PPARGC1A: variants seen among roughly 807,000 people sequenced by gnomAD.
PPARGC1A encodes PPARG coactivator 1 alpha.
PPARGC1A carries 25 observed loss-of-function variants against 88.7 expected under a neutral mutation model. That is an observed-to-expected ratio of 0.28 (90% confidence interval 0.21 to 0.39). The LOEUF is 0.39. Ranked by LOEUF, PPARGC1A falls within the 10% of genes least tolerant of loss-of-function variation. The probability of loss-of-function intolerance (pLI) is 1.00; values close to 1 mark genes in which losing one functional copy is unlikely to be tolerated. For synonymous variants in PPARGC1A, 363 were observed against 355.6 expected, an observed-to-expected ratio of 1.02 and a Z score of -0.24; for missense variants, 880 against 968.7, an observed-to-expected ratio of 0.91 and a Z score of 1.22.
At chr4:24,369,015 A>AC in the PPARGC1A span, among the ~76,000 whole-genome samples, 1 of 152,084 alleles carries the variant, frequency 6.6e-6, no homozygotes, top group African/African-American at 2.4e-5. Flanking sequence ...TCCCACGAGC[A>AC]CCCCATCTGG....
At chr4:23,840,643 A>G (rs1726896864) in intron 2 of PPARGC1A, among the ~76,000 whole-genome samples, 2 of 152,120 alleles carry the variant, frequency 1.3e-5, no homozygotes, top group Non-Finnish European at 1.5e-5. Context: ...TTCATGAACT[A>G]TCTAAAAGGG....
chr4:24,168,745 T>C, the PPARGC1A span, among the ~76,000 whole-genome samples: 3 of 151,970 alleles, frequency 2.0e-5, no homozygotes, highest in Non-Finnish European at 2.9e-5. Flanking sequence ...ACAAGAAAAA[T>C]ACTACGGTGT....
the PPARGC1A span, among the ~76,000 whole-genome samples, chr4:23,940,330 G>A: frequency 2.0e-5 from 3 of 152,104 alleles, no homozygotes; most frequent in Non-Finnish European, 4.4e-5. Flanking sequence ...TACATGGAAC[G>A]CAGAAGAGAA....
At chr4:23,834,261 C>T (rs1170168228) in intron 2 of PPARGC1A, among the ~76,000 whole-genome samples, 1 of 152,084 alleles carries the variant, frequency 6.6e-6, no homozygotes, top group Non-Finnish European at 1.5e-5. Flanking sequence ...GATCTTGCCA[C>T]TGCACTCCAG....
the PPARGC1A span, among the ~76,000 whole-genome samples, chr4:24,373,172 C>T: frequency 1.3e-5 from 2 of 152,156 alleles, no homozygotes; most frequent in Non-Finnish European, 1.5e-5. Context: ...GCGTGAGCAG[C>T]AGGAAAAGAG....
intron 2 of PPARGC1A, among the ~76,000 whole-genome samples, chr4:23,867,137 C>T (rs1560475689): frequency 6.6e-6 from 1 of 152,102 alleles, no homozygotes; most frequent in African/African-American, 2.4e-5. Context: ...ATCAAATTTC[C>T]TCTCTTCTCA....
the PPARGC1A span, among the ~76,000 whole-genome samples, chr4:24,317,187 A>G: frequency 6.6e-6 from 1 of 151,968 alleles, no homozygotes; most frequent in African/African-American, 2.4e-5. Context: ...AACCATTGCA[A>G]CTCAACTCTA....
the PPARGC1A span, among the ~76,000 whole-genome samples, chr4:23,979,669 C>CG: frequency 1.3e-3 from 196 of 152,184 alleles, 1 homozygote; most frequent in Non-Finnish European, 1.5e-3. Flanking sequence ...CACAACCCTG[C>CG]GGGGGGGACA....
the PPARGC1A span, among the ~76,000 whole-genome samples, chr4:23,975,018 A>T: frequency 6.6e-6 from 1 of 151,832 alleles, no homozygotes; most frequent in Non-Finnish European, 1.5e-5. Flanking sequence ...CTTGGGATTC[A>T]GAGCCATGGC....
At chr4:24,087,864 A>C in the PPARGC1A span, among the ~76,000 whole-genome samples, 1 of 152,236 alleles carries the variant, frequency 6.6e-6, no homozygotes, top group Non-Finnish European at 1.5e-5. Flanking sequence ...CCATAAGTAA[A>C]AGCTGGTTCA....
the PPARGC1A span, among the ~76,000 whole-genome samples, chr4:24,303,517 G>T: frequency 2.6e-5 from 4 of 152,140 alleles, no homozygotes; most frequent in Non-Finnish European, 4.4e-5. Flanking sequence ...AATCAAAATT[G>T]TGTTATGTTA....
the PPARGC1A span, among the ~76,000 whole-genome samples, chr4:24,057,389 G>C: frequency 1.3e-5 from 2 of 150,872 alleles, no homozygotes; most frequent in East Asian, 3.9e-4. Flanking sequence ...TTGTGGTGAT[G>C]GTTATACAGC....
the PPARGC1A span, among the ~76,000 whole-genome samples, chr4:24,198,738 G>A: frequency 6.6e-6 from 1 of 152,202 alleles, no homozygotes; most frequent in African/African-American, 2.4e-5. Context: ...AATGGGGAAG[G>A]GAAGGTGGTA....
the PPARGC1A span, among the ~76,000 whole-genome samples, chr4:24,128,584 G>A: frequency 8.6e-4 from 130 of 150,576 alleles, no homozygotes; most frequent in African/African-American, 2.8e-3. Flanking sequence ...GTGTGTGCAC[G>A]CGCATCTGTG....
the PPARGC1A span, among the ~76,000 whole-genome samples, chr4:24,037,769 T>C: frequency 6.6e-6 from 1 of 152,302 alleles, no homozygotes; most frequent in South Asian, 2.1e-4. Flanking sequence ...GCTGTGTAAA[T>C]ATACTTTTAT....
At chr4:23,914,948 T>C in the PPARGC1A span, among the ~76,000 whole-genome samples, 2 of 152,346 alleles carry the variant, frequency 1.3e-5, no homozygotes, top group East Asian at 3.9e-4. Flanking sequence ...CAATAATTTC[T>C]GAAGGAGTCC....
the PPARGC1A span, among the ~76,000 whole-genome samples, chr4:24,393,166 T>C: frequency 6.6e-6 from 1 of 152,268 alleles, no homozygotes; most frequent in Admixed American, 6.5e-5. Flanking sequence ...ACAATGCAGG[T>C]GCTACAAAGG....
At chr4:24,383,760 C>A in the PPARGC1A span, among the ~76,000 whole-genome samples, 2 of 152,092 alleles carry the variant, frequency 1.3e-5, no homozygotes, top group Non-Finnish European at 2.9e-5. Flanking sequence ...ATTGTTGTAC[C>A]TGAAAGTGAT....
the PPARGC1A span, among the ~76,000 whole-genome samples, chr4:24,128,970 C>T: frequency 6.6e-6 from 1 of 152,214 alleles, no homozygotes; most frequent in Non-Finnish European, 1.5e-5. Flanking sequence ...AACCCACAAA[C>T]TTCACCGGGA....
Sources: gnomAD v4.1 joint callset for allele counts (sites outside exome capture counted in the v4.1 genomes callset) on GRCh38, gnomAD v4.1.1 for gene constraint, MANE v1.5 for transcripts, NCBI Gene and HGNC (gene_info 2026-07-23, HGNC 2026-07-21) for gene names.